BMPR1A: variants seen among roughly 807,000 people sequenced by gnomAD.
BMPR1A encodes bone morphogenetic protein receptor type-1A.
BMPR1A carries 7 observed loss-of-function variants against 66.0 expected under a neutral mutation model. The ratio of observed to expected loss-of-function variants is 0.11; its 90% CI spans 0.06 to 0.20. The LOEUF (loss-of-function observed/expected upper bound fraction) is 0.20. Among genes scored for constraint, BMPR1A ranks in the 10% least tolerant of loss-of-function variants. The pLI, the probability that BMPR1A is intolerant of heterozygous loss-of-function variation, is 1.00. For missense variants in BMPR1A, 408 were observed against 669.1 expected, an observed-to-expected ratio of 0.61 and a Z score of 4.31; for synonymous variants, 200 against 229.7, an observed-to-expected ratio of 0.87 and a Z score of 1.17.
At chr10:86,889,329 A>G (rs968614481) in intron 3 of BMPR1A, among the ~76,000 whole-genome samples, 7 of 152,206 alleles carry the variant, frequency 4.6e-5, no homozygotes, top group African/African-American at 1.4e-4. Context: ...AAATCTCCAG[A>G]TAACATGATT....
intron 1 of BMPR1A, among the ~76,000 whole-genome samples, chr10:86,790,207 A>ATATATATATG (rs1841592135): frequency 2.3e-5 from 1 of 43,016 alleles, no homozygotes; most frequent in Non-Finnish European, 4.6e-5. Context: ...ATATATATAT[A>ATATATATATG]TATATATATA....
At chr10:86,909,996 T>C (rs953228999) in intron 7 of BMPR1A, among the ~76,000 whole-genome samples, 3 of 152,134 alleles carry the variant, frequency 2.0e-5, no homozygotes, top group Non-Finnish European at 4.4e-5. Context: ...TAGAAAATTG[T>C]ATTTCACACT....
intron 2 of BMPR1A, among the ~76,000 whole-genome samples, chr10:86,849,413 A>G (rs1307128788): frequency 6.6e-6 from 1 of 152,176 alleles, no homozygotes; most frequent in African/African-American, 2.4e-5. Flanking sequence ...CAACACTTTG[A>G]TGAAGGCTTA....
At chr10:86,868,778 GTT>G (rs55872033) in intron 2 of BMPR1A, among the ~76,000 whole-genome samples, 1 of 141,040 alleles carries the variant, frequency 7.1e-6, no homozygotes, top group Non-Finnish European at 1.5e-5. Flanking sequence ...CTTTTCCTGT[GTT>G]TTTTTTTTTT....
intron 1 of BMPR1A, among the ~76,000 whole-genome samples, chr10:86,772,370 T>A (rs1468579129): frequency 1.3e-5 from 2 of 152,022 alleles, no homozygotes; most frequent in African/African-American, 4.8e-5. Flanking sequence ...GACCTCATGA[T>A]CTCCCCACCT....
At chr10:86,781,697 A>G (rs574396467) in intron 1 of BMPR1A, among the ~76,000 whole-genome samples, 1 of 151,936 alleles carries the variant, frequency 6.6e-6, no homozygotes, top group Non-Finnish European at 1.5e-5. Context: ...GCTCCTGGCA[A>G]CCACCAGTCT....
chr10:86,897,298 G>C (rs1048949847), intron 5 of BMPR1A, among the ~76,000 whole-genome samples: 2 of 152,160 alleles, frequency 1.3e-5, no homozygotes, highest in African/African-American at 2.4e-5. Context: ...CAGAGGGTAC[G>C]GGTGGAGAGT....
chr10:86,775,564 C>A (rs79540409), intron 1 of BMPR1A, among the ~76,000 whole-genome samples: 13 of 152,222 alleles, frequency 8.5e-5, no homozygotes, highest in African/African-American at 3.1e-4. Context: ...GAATGTATCA[C>A]TGAGTTTTCT....
chr10:86,848,888 C>G (rs1475715630), intron 2 of BMPR1A, among the ~76,000 whole-genome samples: 1 of 152,162 alleles, frequency 6.6e-6, no homozygotes, highest in Non-Finnish European at 1.5e-5. Context: ...TAAATTTTAT[C>G]AGCCCCCCCT....
chr10:86,905,856 A>T (rs900902972), intron 7 of BMPR1A, among the ~76,000 whole-genome samples: 8 of 152,088 alleles, frequency 5.3e-5, no homozygotes, highest in Non-Finnish European at 1.2e-4. Flanking sequence ...AATAAGAAAG[A>T]AACATTTTCT....
In BMPR1A at chr10:86,924,566, G is replaced by A. The variant is rs867899400; in HGVS notation, c.*847G>A. On this transcript the variant is annotated 3_prime_UTR_variant, in exon 13 of 13. Transcript: ENST00000372037. The stretch of plus-strand genomic sequence containing the variant: ...ACGGAAAGCATCCTCTCCAAAGTTG[G>A]AGCTTCTATTGCCATGAACCATGCT... 1 of 233,402 alleles carries A rather than the reference G, an allele frequency of 4.3e-6. No individual in the cohort carries two copies. The highest frequency in any genetic ancestry group is 8.5e-6 in the Non-Finnish European group (1 of 118,076). 14.5% of individuals were successfully genotyped at this position (233,402 alleles called of 1,614,324 possible).
At chr10:86,800,633 T>G (rs113557699) in intron 1 of BMPR1A, among the ~76,000 whole-genome samples, 11,475 of 152,208 alleles carry the variant, frequency 0.075, 525 homozygotes, top group Non-Finnish European at 0.081. Context: ...GCTCAAGTGA[T>G]CCACCCGCCT....
chr10:86,826,662 A>G (rs1436491410), intron 1 of BMPR1A, among the ~76,000 whole-genome samples: 2 of 152,124 alleles, frequency 1.3e-5, no homozygotes, highest in Non-Finnish European at 2.9e-5. Context: ...ATTTTCCATT[A>G]TATTACATTA....
At chr10:86,873,089 C>T (rs1277077144) in intron 2 of BMPR1A, among the ~76,000 whole-genome samples, 1 of 152,188 alleles carries the variant, frequency 6.6e-6, no homozygotes, top group East Asian at 1.9e-4. Context: ...GGCCAGCCAG[C>T]TCTGCAGGGT....
At chr10:86,844,511 T>C (rs570682870) in intron 2 of BMPR1A, among the ~76,000 whole-genome samples, 2 of 152,342 alleles carry the variant, frequency 1.3e-5, no homozygotes, top group Admixed American at 1.3e-4. Flanking sequence ...TAGAGAAATA[T>C]TGTACAGTAA....
At chr10:86,861,255 G>A (rs913149895) in intron 2 of BMPR1A, among the ~76,000 whole-genome samples, 9 of 152,130 alleles carry the variant, frequency 5.9e-5, no homozygotes, top group African/African-American at 2.2e-4. Context: ...AACTCTTCTA[G>A]GTTCCCAAGT....
At chr10:86,857,764 AAAAC>A (rs1842661233) in intron 2 of BMPR1A, among the ~76,000 whole-genome samples, 2 of 151,886 alleles carry the variant, frequency 1.3e-5, no homozygotes, top group Non-Finnish European at 2.9e-5. Context: ...AAAAAAAAAA[AAAAC>A]AAGGAGAAAG....
intron 1 of BMPR1A, among the ~76,000 whole-genome samples, chr10:86,821,023 A>G (rs1442021338): frequency 6.6e-6 from 1 of 152,206 alleles, no homozygotes; most frequent in Admixed American, 6.5e-5. Context: ...TGTCATTTCC[A>G]TCGCTCTCTT....
At chr10:86,779,486 ATGT>A (rs1841403277) in intron 1 of BMPR1A, among the ~76,000 whole-genome samples, 3 of 151,820 alleles carry the variant, frequency 2.0e-5, no homozygotes, top group Non-Finnish European at 4.4e-5. Context: ...TCCTGTTGAG[ATGT>A]TTGAGTTACT....
Sources: gnomAD v4.1 joint callset for allele counts (sites outside exome capture counted in the v4.1 genomes callset) on GRCh38, gnomAD v4.1.1 for gene constraint, MANE v1.5 for transcripts, NCBI Gene and HGNC (gene_info 2026-07-23, HGNC 2026-07-21) for gene names.